Variants in CHST9 observed in about 807,000 individuals in gnomAD.
The protein encoded by CHST9 is GalNAc-4-sulfotransferase 2.
A neutral mutation model predicts 44.4 loss-of-function variants in CHST9; 41 were observed. The ratio of observed to expected loss-of-function variants is 0.92; its 90% CI spans 0.72 to 1.20. The LOEUF is 1.20. Among genes scored for constraint, CHST9 ranks in the 50% most tolerant of loss-of-function variants. CHST9 has a pLI of 0.00. For synonymous variants in CHST9, 171 were observed against 178.4 expected (o/e 0.96, Z 0.33); for missense variants, 504 against 516.5 (o/e 0.98, Z 0.23).
At chr18:27,174,160 T>G (rs915056685) in intron 1 of CHST9, among the ~76,000 whole-genome samples, 3 of 151,974 alleles carry the variant, frequency 2.0e-5, no homozygotes, top group African/African-American at 4.8e-5. Context: ...TTATCCTTTA[T>G]AGATTTTTTT....
At chr18:26,952,073 A>G in intron 4 of CHST9, 1 of 367,880 alleles carries the variant, frequency 2.7e-6, no homozygotes, top group South Asian at 2.2e-5. Context: ...AGGGGCATCC[A>G]CTGAAAAAGA....
At chr18:26,935,576 A>G (rs1351577784) in intron 5 of CHST9, 1 of 152,210 alleles carries the variant, frequency 6.6e-6, no homozygotes, top group Admixed American at 6.5e-5. Flanking sequence ...ATCATTCAAC[A>G]TAGTAAATTA....
In CHST9 at chr18:27,138,107, C is replaced by T. The variant is rs1432833199; in HGVS notation, c.121+4582G>A. The stretch of plus-strand genomic sequence containing the variant: ...TCCTGCCTGCAACTCATTAGTTTGT[C>T]CCATAATGGAGGGCCTGTCTCTTTT... On this transcript the variant is annotated intron_variant, in intron 2 of 5. Transcript: ENST00000618847. Among the ~76,000 whole-genome samples the T allele has an allele frequency of 2.0e-5, 3 of 152,180 alleles. No homozygotes were observed. The East Asian group carries it at 5.8e-4, about 29-fold the overall frequency.
chr18:27,079,857 T>C (rs1462830810), intron 2 of CHST9, among the ~76,000 whole-genome samples: 2 of 152,170 alleles, frequency 1.3e-5, no homozygotes, highest in African/African-American at 4.8e-5. Context: ...ATCCCACTGC[T>C]CTCACTTGTG....
rs2057554094 is a variant in CHST9, at chr18:27,050,554, A to C, written c.122-2051T>G. Among the ~76,000 whole-genome samples, 4 of 152,156 alleles carry C rather than the reference A, an allele frequency of 2.6e-5. No homozygotes were observed. In the South Asian group the frequency reaches 8.3e-4, roughly 31 times the overall value. The stretch of plus-strand genomic sequence containing the variant: ...TAACATATAAGGTGGAAAATGTACA[A>C]TCTTCCCTTATGTCGCTGCCAAAAG... On this transcript the variant is annotated intron_variant, in intron 2 of 5. Transcript: ENST00000618847.
At chr18:27,066,021 C>A (rs925026780) in intron 2 of CHST9, among the ~76,000 whole-genome samples, 1 of 151,994 alleles carries the variant, frequency 6.6e-6, no homozygotes, top group African/African-American at 2.4e-5. Context: ...AGCTTATTAG[C>A]CCCCAGTAAA....
At chr18:27,052,977 G>A (rs1281528534) in intron 2 of CHST9, among the ~76,000 whole-genome samples, 1 of 151,512 alleles carries the variant, frequency 6.6e-6, no homozygotes, top group Admixed American at 6.6e-5. Context: ...TGCATGCAGG[G>A]CTTAAAACCT....
chr18:26,951,530 C>G (rs335921), intron 4 of CHST9, among the ~76,000 whole-genome samples: 68,923 of 151,588 alleles, frequency 0.45, 16,073 homozygotes, highest in African/African-American at 0.52. Context: ...CATAGATCTG[C>G]AAGAATCTAT....
Position 27,048,462 on chromosome 18 carries a change from T to TAC in CHST9, c.160+1_160+2dup, listed in dbSNP as rs1315890900. The TAC allele has an allele frequency of 6.2e-7, 1 of 1,605,758 alleles. No homozygotes were observed. The highest frequency in any genetic ancestry group is 8.5e-7 in the Non-Finnish European group (1 of 1,176,192). On this transcript the variant is annotated splice_region_variant and intron_variant, in intron 3 of 5. Coordinates refer to ENST00000618847, the MANE Select transcript of CHST9 (RefSeq NM_031422.6). The stretch of plus-strand genomic sequence containing the variant: ...AGCTGGAGCCCATTGGACAAAATCT[T>TAC]ACCTGAAGTTACTTTTTGTTCTCTT...
Position 26,954,334 on chromosome 18 carries a change from T to C in CHST9, c.203-9968A>G, listed in dbSNP as rs142865340. On this transcript the variant is annotated intron_variant, in intron 4 of 5. Coordinates refer to ENST00000618847, the MANE Select transcript of CHST9 (RefSeq NM_031422.6). ...GGACAGTGTGTCAGTGTCTTCAGAA[T>C]ATATCTACAATGCATGCTGTCTAAC... Among the ~76,000 whole-genome samples the C allele has an allele frequency of 4.3e-3, 662 of 152,326 alleles. 5 individuals carry two copies. The highest frequency in any genetic ancestry group is 0.015 in the African/African-American group (640 of 41,580).
intron 4 of CHST9, among the ~76,000 whole-genome samples, chr18:26,961,437 T>TC (rs1370766453): frequency 6.6e-6 from 1 of 152,100 alleles, no homozygotes; most frequent in East Asian, 1.9e-4. Context: ...TCCTTTTTTT[T>TC]TTTTGCCCTT....
At position 26,910,598 on chromosome 18, in the gene CHST9, A is replaced by G. The variant is rs2055427984; in HGVS notation, c.*5661T>C. The stretch of plus-strand genomic sequence containing the variant: ...AATGTAGGGTAACAAATCCCCTGTC[A>G]TTAATGAGGCCCAATGTTGGCAGCT... On this transcript the variant is annotated 3_prime_UTR_variant, in exon 6 of 6. Transcript: ENST00000618847. The G allele has an allele frequency of 6.6e-6, 1 of 152,240 alleles. No homozygotes were observed. Among genetic ancestry groups the G allele is most frequent in the Non-Finnish European group, 1.5e-5 (1 of 68,036 alleles). 9.4% of individuals were successfully genotyped at this position (152,240 alleles called of 1,614,324 possible). A position where few individuals can be genotyped will look rare whatever the true frequency, so the allele number is the denominator to read the frequency against.
intron 4 of CHST9, among the ~76,000 whole-genome samples, chr18:26,982,005 G>A (rs1461603939): frequency 6.6e-6 from 1 of 152,070 alleles, no homozygotes. Flanking sequence ...CAGTCAGAAT[G>A]ACCTTTAGAA....
chr18:26,938,726 A>T (rs986146163), intron 5 of CHST9, among the ~76,000 whole-genome samples: 1 of 152,212 alleles, frequency 6.6e-6, no homozygotes, highest in Non-Finnish European at 1.5e-5. Context: ...ATATGGACAT[A>T]CAGGTAAAAA....
intron 2 of CHST9, among the ~76,000 whole-genome samples, chr18:27,090,663 T>G (rs2058059356): frequency 6.6e-6 from 1 of 152,226 alleles, no homozygotes; most frequent in Non-Finnish European, 1.5e-5. Context: ...TTTCTACATA[T>G]GGCAAGCCAG....
intron 5 of CHST9, among the ~76,000 whole-genome samples, chr18:26,934,124 C>A (rs1039784681): frequency 1.3e-5 from 2 of 152,236 alleles, no homozygotes; most frequent in African/African-American, 4.8e-5. Context: ...AGGTCGGGAC[C>A]ACACCGTATA....
intron 2 of CHST9, among the ~76,000 whole-genome samples, chr18:27,139,916 A>G (rs1280468359): frequency 1.3e-5 from 2 of 152,164 alleles, no homozygotes; most frequent in African/African-American, 2.4e-5. Context: ...AATTTCAGTG[A>G]TTTTAAAACA....
intron 1 of CHST9, among the ~76,000 whole-genome samples, chr18:27,155,225 A>G (rs1306399709): frequency 6.6e-6 from 1 of 152,190 alleles, no homozygotes; most frequent in Non-Finnish European, 1.5e-5. Flanking sequence ...TGCTTTGCCC[A>G]TAGAAATGAT....
chr18:27,170,996 G>A (rs929347362), intron 1 of CHST9, among the ~76,000 whole-genome samples: 5 of 152,214 alleles, frequency 3.3e-5, no homozygotes, highest in East Asian at 3.8e-4. Flanking sequence ...CTCTCCTACC[G>A]TTTTTATTAG....
Sources: allele counts gnomAD v4.1 joint callset (sites outside exome capture counted in the v4.1 genomes callset), GRCh38; gene constraint gnomAD v4.1.1; transcripts MANE v1.5; gene names NCBI Gene and HGNC (gene_info 2026-07-23, HGNC 2026-07-21).